Variants in DPP6 observed in about 807,000 individuals in gnomAD.
The protein encoded by DPP6 is A-type potassium channel modulatory protein DPP6.
A neutral mutation model predicts 122.6 loss-of-function variants in DPP6; 69 were observed. That is an observed-to-expected ratio of 0.56 (90% CI 0.46 to 0.69). DPP6 has a LOEUF of 0.69. Ranked by LOEUF, DPP6 falls within the 30% of genes least tolerant of loss-of-function variation. The probability of loss-of-function intolerance (pLI) is 0.00; values close to 1 mark genes in which losing one functional copy is unlikely to be tolerated. For missense variants in DPP6, 928 were observed against 1,116.9 expected (o/e 0.83, Z 2.41); for synonymous variants, 418 against 433.1 (o/e 0.97, Z 0.43).
chr7:153,835,908 G>T, the DPP6 span, among the ~76,000 whole-genome samples: 2 of 152,138 alleles, frequency 1.3e-5, no homozygotes, highest in South Asian at 4.1e-4. Context: ...TACGGCAGCT[G>T]CCCTGGGACC....
At chr7:154,656,406 TC>T (rs113417637) in intron 6 of DPP6, among the ~76,000 whole-genome samples, 1 of 17,300 alleles carries the variant, frequency 5.8e-5, no homozygotes, top group Non-Finnish European at 1.5e-4. Context: ...GAGAGGGAGG[TC>T]GGGGGAGAGC....
intron 3 of DPP6, among the ~76,000 whole-genome samples, chr7:154,511,791 T>C (rs1826112639): frequency 6.6e-6 from 1 of 152,232 alleles, no homozygotes; most frequent in Non-Finnish European, 1.5e-5. Flanking sequence ...GATCTTACCA[T>C]AGTGTTATCT....
intron 1 of DPP6, among the ~76,000 whole-genome samples, chr7:153,966,383 G>A (rs1250539597): frequency 1.1e-4 from 17 of 149,654 alleles, no homozygotes; most frequent in Non-Finnish European, 2.4e-4. Flanking sequence ...CACCCTTGCA[G>A]GGGAGGCACC....
chr7:154,483,388 A>T lies in DPP6; in HGVS notation c.457+8351A>T, dbSNP rs1485898623. Reference sequence around the variant, plus strand: ...TAAAGGTAAACTGAGGCACAATACAATTTTTTTTTTTTTAAAAGCATTTAT... The same window carrying T: ...TAAAGGTAAACTGAGGCACAATACATTTTTTTTTTTTTTAAAAGCATTTAT... On this transcript the variant is annotated intron_variant, in intron 3 of 25. Coordinates refer to ENST00000377770, the MANE Select transcript of DPP6 (RefSeq NM_130797.4). This position sits in a 1 kb window ranked among gnomAD's most constrained non-coding sequence, Gnocchi z 8.1. 6.0e-5 allele frequency among the ~76,000 whole-genome samples: 9 copies of T among 149,874 alleles called. No individual in the cohort carries two copies. The South Asian group carries it at 8.5e-4, about 14-fold the overall frequency.
chr7:153,870,153 A>C, the DPP6 span, among the ~76,000 whole-genome samples: 1 of 152,164 alleles, frequency 6.6e-6, no homozygotes, highest in African/African-American at 2.4e-5. Context: ...CTCGAGGAGC[A>C]TCTTTGTGGT....
chr7:154,012,229 A>G (rs1371077384), intron 1 of DPP6, among the ~76,000 whole-genome samples: 1 of 152,206 alleles, frequency 6.6e-6, no homozygotes, highest in East Asian at 1.9e-4. Context: ...ATTTTTAAGC[A>G]GAAACCTTTC....
At chr7:154,542,834 T>C (rs146052511) in intron 4 of DPP6, among the ~76,000 whole-genome samples, 12 of 152,354 alleles carry the variant, frequency 7.9e-5, no homozygotes, top group African/African-American at 2.9e-4. Flanking sequence ...CCTAATTTAA[T>C]TTAATCTGGA....
chr7:153,817,508 G>C, the DPP6 span, among the ~76,000 whole-genome samples: 13,596 of 151,162 alleles, frequency 0.09, 694 homozygotes, highest in Non-Finnish European at 0.12. Context: ...ATCACAAACT[G>C]CACACAGAAA....
At chr7:153,785,981 G>A in the DPP6 span, among the ~76,000 whole-genome samples, 2 of 151,686 alleles carry the variant, frequency 1.3e-5, no homozygotes, top group African/African-American at 4.8e-5. Context: ...GGAGCCAAGT[G>A]TTTAAATATT....
At chr7:154,037,055 T>A (rs1439110242) in intron 1 of DPP6, among the ~76,000 whole-genome samples, 2 of 152,158 alleles carry the variant, frequency 1.3e-5, no homozygotes, top group Admixed American at 1.3e-4. Flanking sequence ...TTTCTTCAGT[T>A]CAAGGTTGAT....
At chr7:154,210,836 G>GAAAA (rs34596484) in intron 1 of DPP6, among the ~76,000 whole-genome samples, 1 of 149,994 alleles carries the variant, frequency 6.7e-6, no homozygotes. Context: ...GTGCAAAAAG[G>GAAAA]AAAAAAAAAG....
At chr7:154,537,329 G>A (rs1481043232) in intron 3 of DPP6, among the ~76,000 whole-genome samples, 1 of 152,110 alleles carries the variant, frequency 6.6e-6, no homozygotes, top group African/African-American at 2.4e-5. Context: ...CTCTGATGAT[G>A]CAAAATAAAA....
intron 1 of DPP6, among the ~76,000 whole-genome samples, chr7:154,080,608 GAGTGCAGAGAT>G (rs959965700): frequency 2.0e-5 from 3 of 152,170 alleles, no homozygotes; most frequent in Non-Finnish European, 4.4e-5. Flanking sequence ...CTGGGAGTAA[GAGTGCAGAGAT>G]CTACCTGTCT....
chr7:154,495,397 T>G lies in DPP6; in HGVS notation c.457+20360T>G, dbSNP rs895284649. On this transcript the variant is annotated intron_variant, in intron 3 of 25. Transcript: ENST00000377770. ...TTGGGGGGTTTGTTGTGGTTTTTTT[T>G]TTTTTGTTGTTGTTGTTGTTTGAGA... Among the ~76,000 whole-genome samples the G allele has an allele frequency of 3.2e-4, 48 of 151,806 alleles. 1 individual carries two copies. Among genetic ancestry groups the G allele is most frequent in the African/African-American group, 8.2e-4 (34 of 41,394 alleles).
rs1451866588 is a variant in DPP6, at chr7:154,624,145, TG to T, written c.628-13674del. On this transcript the variant is annotated intron_variant, in intron 5 of 25. Transcript: ENST00000377770. The surrounding 1 kb of genome is among the most constrained non-coding windows in gnomAD (Gnocchi z 4.7). ...GAGTTCAAGACCAGCCTGGCCAAAA[TG>T]GTGAAACCCTGTCTCTACTAAAAAT... 1.7e-4 allele frequency among the ~76,000 whole-genome samples: 26 copies of T among 152,042 alleles called. No individual in the cohort carries two copies. Among genetic ancestry groups the T allele is most frequent in the Admixed American group, 1.7e-3 (26 of 15,272 alleles).
At chr7:154,302,158 G>A (rs1805953494) in intron 1 of DPP6, among the ~76,000 whole-genome samples, 1 of 152,070 alleles carries the variant, frequency 6.6e-6, no homozygotes, top group South Asian at 2.1e-4. Flanking sequence ...GAGACTTTAT[G>A]CCTTTCAATT....
intron 8 of DPP6, among the ~76,000 whole-genome samples, chr7:154,759,927 T>G (rs1795421642): frequency 6.6e-6 from 1 of 152,136 alleles, no homozygotes. Flanking sequence ...TTCAAGACCA[T>G]CCAGGCCAAT....
chr7:154,644,997 A>ACCAT (rs1391955343), intron 6 of DPP6, among the ~76,000 whole-genome samples: 1 of 149,404 alleles, frequency 6.7e-6, no homozygotes, highest in Admixed American at 6.7e-5. Context: ...ATGTGTCTGT[A>ACCAT]CCATGGCATT....
intron 1 of DPP6, among the ~76,000 whole-genome samples, chr7:154,268,155 T>G (rs1803559812): frequency 6.6e-6 from 1 of 152,134 alleles, no homozygotes; most frequent in South Asian, 2.1e-4. Flanking sequence ...GCCCAGCACT[T>G]GCTGTTTCTA....
Sources: allele counts gnomAD v4.1 joint callset (sites outside exome capture counted in the v4.1 genomes callset), GRCh38; gene constraint gnomAD v4.1.1; non-coding constraint Gnocchi (gnomAD v3.1); transcripts MANE v1.5; gene names NCBI Gene and HGNC (gene_info 2026-07-23, HGNC 2026-07-21).